The following LNPK variants were observed in gnomAD, a reference collection of about 807,000 sequenced individuals.
The protein encoded by LNPK is lunapark, ER junction formation factor, also known as endoplasmic reticulum junction formation protein lunapark.
A neutral mutation model predicts 55.2 loss-of-function variants in LNPK; 29 were observed. The observed-to-expected ratio is 0.53, with a 90% CI of 0.39 to 0.72. The LOEUF is 0.72. Among genes scored for constraint, LNPK ranks in the 30% least tolerant of loss-of-function variants. The pLI is 0.00. For missense variants in LNPK, 467 were observed against 494.8 expected (o/e 0.94, Z 0.53); for synonymous variants, 162 against 168.2 (o/e 0.96, Z 0.29).
chr2:175,944,736 T>C (rs1685037078), intron 9 of LNPK, among the ~76,000 whole-genome samples: 1 of 152,146 alleles, frequency 6.6e-6, no homozygotes, highest in Non-Finnish European at 1.5e-5. Flanking sequence ...GTATTCAAGA[T>C]GGCTTTAGGA....
chr2:175,954,928 T>C (rs572665168), intron 8 of LNPK, among the ~76,000 whole-genome samples: 1 of 152,272 alleles, frequency 6.6e-6, no homozygotes, highest in East Asian at 1.9e-4. Context: ...AATATTCTAA[T>C]ACAAGCTAAA....
In LNPK at chr2:175,993,375, TA is replaced by T. The variant is rs538523879; in HGVS notation, c.28-153del. On this transcript the variant is annotated intron_variant, in intron 2 of 12. Coordinates refer to ENST00000272748, the MANE Select transcript of LNPK (RefSeq NM_030650.3). ...TGTTTATAACTAAGATTTATTTAAA[TA>T]AAAATTATAATTGCAAATAGAACTA... The T allele has an allele frequency of 5.4e-5, 27 of 496,956 alleles. No homozygotes were observed. In the East Asian group the frequency reaches 9.2e-4, roughly 17 times the overall value. 30.8% of individuals were successfully genotyped at this position (496,956 alleles called of 1,614,324 possible).
At chr2:175,943,936 A>G (rs1684990507) in intron 9 of LNPK, among the ~76,000 whole-genome samples, 1 of 152,116 alleles carries the variant, frequency 6.6e-6, no homozygotes, top group East Asian at 1.9e-4. Context: ...TCATATAATA[A>G]GGTAAGAAAA....
At chr2:176,001,041 T>C (rs868429273) in intron 1 of LNPK, among the ~76,000 whole-genome samples, 5 of 152,356 alleles carry the variant, frequency 3.3e-5, no homozygotes, top group Middle Eastern at 3.4e-3. Context: ...TTCTTGTTTA[T>C]ATAACATATA....
At chr2:175,939,494 C>A (rs1407248063) in intron 10 of LNPK, 58 bp downstream of exon 10, 2 of 700,472 alleles carry the variant, frequency 2.9e-6, no homozygotes, top group African/African-American at 1.9e-5. Flanking sequence ...CTAGTGTGTA[C>A]ACACACACAC....
chr2:175,976,572 C>T (rs1225740004), intron 5 of LNPK, among the ~76,000 whole-genome samples: 2 of 152,144 alleles, frequency 1.3e-5, no homozygotes, highest in East Asian at 3.9e-4. Flanking sequence ...AGATTGCTCT[C>T]CCTAATGAAG....
At chr2:175,981,250 G>T (rs974608217) in intron 4 of LNPK, among the ~76,000 whole-genome samples, 1 of 152,158 alleles carries the variant, frequency 6.6e-6, no homozygotes, top group Non-Finnish European at 1.5e-5. Flanking sequence ...TCTTTCACTT[G>T]TCTTTCTCTC....
intron 4 of LNPK, among the ~76,000 whole-genome samples, chr2:175,988,688 A>G (rs1687551509): frequency 6.6e-6 from 1 of 152,160 alleles, no homozygotes. Context: ...AATAAGAATC[A>G]AGTATTTCTT....
At chr2:175,996,372 C>T (rs1240118267) in intron 1 of LNPK, among the ~76,000 whole-genome samples, 1 of 152,148 alleles carries the variant, frequency 6.6e-6, no homozygotes, top group East Asian at 1.9e-4. Context: ...AAGTGTTTTA[C>T]AATGTTTAGA....
At chr2:175,954,023 C>T (rs750684582) in intron 8 of LNPK, among the ~76,000 whole-genome samples, 1 of 152,106 alleles carries the variant, frequency 6.6e-6, no homozygotes, top group African/African-American at 2.4e-5. Context: ...TGCTTGCACA[C>T]GGAGTAAATC....
At chr2:175,967,380 T>C (rs575293691) in intron 6 of LNPK, among the ~76,000 whole-genome samples, 28 of 152,202 alleles carry the variant, frequency 1.8e-4, no homozygotes, top group South Asian at 1.7e-3. Context: ...ATAGAAAACA[T>C]TAAAAGGGCA....
chr2:175,948,750 CTTTA>C (rs1218571464), intron 8 of LNPK, among the ~76,000 whole-genome samples: 1 of 152,068 alleles, frequency 6.6e-6, no homozygotes, highest in Non-Finnish European at 1.5e-5. Context: ...AACACTTGGA[CTTTA>C]TTTGACAGTT....
chr2:175,991,166 T>C (rs1328063992), intron 4 of LNPK, among the ~76,000 whole-genome samples: 1 of 152,156 alleles, frequency 6.6e-6, no homozygotes, highest in Non-Finnish European at 1.5e-5. Flanking sequence ...TATATGGAAA[T>C]ATATGTAAAG....
chr2:175,997,904 A>AT (rs1688007766), intron 1 of LNPK, among the ~76,000 whole-genome samples: 1 of 148,066 alleles, frequency 6.8e-6, no homozygotes, highest in Non-Finnish European at 1.5e-5. Flanking sequence ...ACACCCGGCT[A>AT]ATTTTTTTTT....
intron 8 of LNPK, among the ~76,000 whole-genome samples, chr2:175,955,645 C>T (rs558349943): frequency 1.5e-3 from 228 of 152,198 alleles, no homozygotes; most frequent in African/African-American, 5.3e-3. Context: ...TTTTCACGTT[C>T]TCTGAATCAA....
At chr2:175,984,729 T>G (rs1687327308) in intron 4 of LNPK, among the ~76,000 whole-genome samples, 2 of 152,104 alleles carry the variant, frequency 1.3e-5, no homozygotes, top group South Asian at 4.2e-4. Flanking sequence ...CTGGCAAGGA[T>G]GAAGAGAAAC....
intron 9 of LNPK, among the ~76,000 whole-genome samples, chr2:175,942,925 GA>G (rs1028436094): frequency 8.5e-4 from 114 of 133,854 alleles, no homozygotes; most frequent in South Asian, 5.3e-3. Context: ...GACTAATCAG[GA>G]AAAAAAAAAA....
chr2:175,934,932 T>C (rs1574805036), intron 12 of LNPK, among the ~76,000 whole-genome samples: 1 of 152,098 alleles, frequency 6.6e-6, no homozygotes, highest in South Asian at 2.1e-4. Flanking sequence ...GTCTCCTCCT[T>C]TGATGAAAAC....
intron 4 of LNPK, among the ~76,000 whole-genome samples, chr2:175,987,465 T>C (rs1034775064): frequency 8.5e-5 from 13 of 152,082 alleles, no homozygotes; most frequent in Non-Finnish European, 1.5e-4. Context: ...TAGGTGGGAA[T>C]TGAACAATGA....
Sources: allele counts gnomAD v4.1 joint callset (sites outside exome capture counted in the v4.1 genomes callset), GRCh38; gene constraint gnomAD v4.1.1; transcripts MANE v1.5; gene names NCBI Gene and HGNC (gene_info 2026-07-23, HGNC 2026-07-21).